The following ABCA13 variants were observed in gnomAD, a reference collection of about 807,000 sequenced individuals.
ABCA13 encodes ATP binding cassette subfamily A member 13.
In ABCA13, 476 loss-of-function variants were observed where a neutral mutation model predicts 478.7. That is an observed-to-expected ratio of 0.99 (90% CI 0.92 to 1.07). The LOEUF (loss-of-function observed/expected upper bound fraction) is 1.07. Ranked by LOEUF, ABCA13 falls within the 50% of genes least tolerant of loss-of-function variation. ABCA13 has a pLI of 0.00. For missense variants in ABCA13, 6,060 were observed against 5,910.6 expected (o/e 1.03, Z -0.83); for synonymous variants, 2,252 against 2,158.9 (o/e 1.04, Z -1.20).
At chr7:48,311,588 C>G (rs1050356254) in intron 24 of ABCA13, among the ~76,000 whole-genome samples, 1 of 152,118 alleles carries the variant, frequency 6.6e-6, no homozygotes, top group African/African-American at 2.4e-5. Context: ...ATTACTGTGA[C>G]AAGGGCCATC....
At chr7:48,286,759 T>C (rs1272932667) in intron 19 of ABCA13, among the ~76,000 whole-genome samples, 1 of 152,120 alleles carries the variant, frequency 6.6e-6, no homozygotes, top group Non-Finnish European at 1.5e-5. Context: ...CAACACGGCC[T>C]CCCAAAGTGC....
rs141393989 is a variant in ABCA13, at chr7:48,460,639, A to T, written c.12815+5353A>T. ...GGTTCTGAGTGGGCATGAAATTTGG[A>T]GGGAAATCATTCAACCCACAACATT... is the stretch of plus-strand genomic sequence containing the variant. On this transcript the variant is annotated intron_variant, in intron 43 of 61. Transcript: ENST00000435803. Among the ~76,000 whole-genome samples, 6 of 152,298 alleles carry T rather than the reference A, an allele frequency of 3.9e-5. No homozygotes were observed. In the East Asian group the frequency reaches 1.2e-3, roughly 29 times the overall value.
intron 39 of ABCA13, among the ~76,000 whole-genome samples, chr7:48,410,068 T>C (rs976258934): frequency 2.8e-4 from 35 of 123,578 alleles, no homozygotes; most frequent in African/African-American, 1.0e-3. Flanking sequence ...CACTCCAGCC[T>C]GGGAGACAGA....
At chr7:48,419,676 A>G (rs1820483808) in intron 41 of ABCA13, among the ~76,000 whole-genome samples, 1 of 152,234 alleles carries the variant, frequency 6.6e-6, no homozygotes, top group Admixed American at 6.5e-5. Context: ...GAGATGTAGT[A>G]CATGTTTCTT....
intron 61 of ABCA13, 69 bp from the exon 62 acceptor site, chr7:48,645,348 C>CT: frequency 2.4e-6 from 3 of 1,267,352 alleles, no homozygotes; most frequent in Non-Finnish European, 3.3e-6. Context: ...GACAATGTCT[C>CT]CTTTCTAATA....
intron 51 of ABCA13, among the ~76,000 whole-genome samples, chr7:48,512,462 A>G (rs1303070928): frequency 1.3e-5 from 2 of 152,210 alleles, no homozygotes; most frequent in East Asian, 1.9e-4. Flanking sequence ...ATATTTAGCT[A>G]GAAATTTATG....
Position 48,274,790 on chromosome 7 carries a change from G to T in ABCA13, c.5124G>T (p.Leu1708Phe). The change falls in exon 17 of 62, where the codon TTG becomes TTT. Residue 1708 changes from leucine (L) to phenylalanine (F), a missense_variant. Physicochemically the swap from Leu to Phe is conservative, Grantham distance 22 (BLOSUM62 0). Coordinates refer to ENST00000435803, the MANE Select transcript of ABCA13 (RefSeq NM_152701.5). The part of the protein sequence containing the change: ...SVGTGNLVVN[L>F]LVGLMEKFAD... ...GAACTGGCAATTTAGTGGTCAATTTGCTTGTTGGCTTGATGGAAAAATTTG... is the reference window on the plus strand; with the variant it reads ...GAACTGGCAATTTAGTGGTCAATTTTCTTGTTGGCTTGATGGAAAAATTTG... The T allele has an allele frequency of 1.9e-6, 3 of 1,613,934 alleles. No homozygotes were observed. Among genetic ancestry groups the T allele is most frequent in the Non-Finnish European group, 2.5e-6 (3 of 1,179,846 alleles).
chr7:48,512,124 A>AGAGG (rs1301661873), intron 51 of ABCA13, among the ~76,000 whole-genome samples: 1 of 151,876 alleles, frequency 6.6e-6, no homozygotes, highest in Non-Finnish European at 1.5e-5. Flanking sequence ...ACTAAGAGAG[A>AGAGG]GAGGGAGAGA....
chr7:48,597,178 C>G (rs930248017), intron 58 of ABCA13, among the ~76,000 whole-genome samples: 2 of 152,136 alleles, frequency 1.3e-5, no homozygotes, highest in Non-Finnish European at 2.9e-5. Flanking sequence ...TCTCGATCTC[C>G]TGACCTTGTG....
intron 47 of ABCA13, among the ~76,000 whole-genome samples, chr7:48,488,631 T>C (rs2130669553): frequency 6.6e-6 from 1 of 152,332 alleles, no homozygotes; most frequent in East Asian, 1.9e-4. Flanking sequence ...AAATTAATAA[T>C]ATATTTTCAT....
chr7:48,414,114 T>A (rs1252217388), intron 41 of ABCA13, among the ~76,000 whole-genome samples: 3 of 152,192 alleles, frequency 2.0e-5, no homozygotes, highest in African/African-American at 7.2e-5. Flanking sequence ...ACACACATGA[T>A]GAATAGGAGC....
chr7:48,499,438 G>A (rs1163174017), intron 48 of ABCA13, among the ~76,000 whole-genome samples: 6 of 152,266 alleles, frequency 3.9e-5, no homozygotes, highest in Non-Finnish European at 7.4e-5. Flanking sequence ...TAATGAACCC[G>A]AAAGTGAGTA....
At chr7:48,202,414 T>A (rs1798899234) in intron 3 of ABCA13, among the ~76,000 whole-genome samples, 1 of 152,094 alleles carries the variant, frequency 6.6e-6, no homozygotes, top group African/African-American at 2.4e-5. Context: ...TGTCAATTGG[T>A]GCACTCACAA....
intron 42 of ABCA13, among the ~76,000 whole-genome samples, chr7:48,448,356 G>A (rs1371285439): frequency 6.6e-6 from 1 of 152,208 alleles, no homozygotes; most frequent in Non-Finnish European, 1.5e-5. Flanking sequence ...GCCCTTTAGT[G>A]ATACTGATGG....
At chr7:48,602,563 G>T (rs879079572) in intron 58 of ABCA13, among the ~76,000 whole-genome samples, 1 of 152,120 alleles carries the variant, frequency 6.6e-6, no homozygotes, top group Non-Finnish European at 1.5e-5. Context: ...TGAGGCCTCT[G>T]TTCTGTTCCC....
chr7:48,472,443 A>G (rs1316559579), intron 45 of ABCA13, among the ~76,000 whole-genome samples: 1 of 152,190 alleles, frequency 6.6e-6, no homozygotes, highest in Non-Finnish European at 1.5e-5. Context: ...ACACACTTCC[A>G]AGTTATCTTT....
intron 61 of ABCA13, 35 bp from the exon 62 acceptor site, chr7:48,645,382 T>G (rs1795379187): frequency 6.6e-7 from 1 of 1,508,724 alleles, no homozygotes; most frequent in Non-Finnish European, 9.0e-7. Context: ...GGTTGTATTC[T>G]TATAAGTAAA....
chr7:48,315,043 A>G (rs969472151), intron 26 of ABCA13, among the ~76,000 whole-genome samples: 1 of 152,160 alleles, frequency 6.6e-6, no homozygotes, highest in African/African-American at 2.4e-5. Flanking sequence ...TGGAGTTTAG[A>G]CGGTTCAGCT....
chr7:48,559,547 T>C (rs766842294), intron 55 of ABCA13, among the ~76,000 whole-genome samples: 1 of 152,098 alleles, frequency 6.6e-6, no homozygotes, highest in Non-Finnish European at 1.5e-5. Flanking sequence ...AGCTGGTACA[T>C]AAGATTCAAG....
Sources: gnomAD v4.1 joint callset for allele counts (sites outside exome capture counted in the v4.1 genomes callset) on GRCh38, gnomAD v4.1.1 for gene constraint, MANE v1.5 for transcripts, NCBI Gene and HGNC (gene_info 2026-07-23, HGNC 2026-07-21) for gene names.